The following ADCY7 variants were observed in gnomAD, a reference collection of about 807,000 sequenced individuals.
ADCY7 encodes adenylate cyclase type 7.
A neutral mutation model predicts 120.6 loss-of-function variants in ADCY7; 72 were observed. The observed-to-expected ratio is 0.60, with a 90% CI of 0.49 to 0.73. ADCY7 has a LOEUF of 0.73. Among genes scored for constraint, ADCY7 ranks in the 30% least tolerant of loss-of-function variants. The pLI, the probability that ADCY7 is intolerant of heterozygous loss-of-function variation, is 0.00. For missense variants in ADCY7, 1,227 were observed against 1,486.0 expected, an observed-to-expected ratio of 0.83 and a Z score of 2.87; for synonymous variants, 661 against 628.0, an observed-to-expected ratio of 1.05 and a Z score of -0.78.
chr16:50,300,140 G>A (rs998921990), intron 8 of ADCY7, among the ~76,000 whole-genome samples: 12 of 152,092 alleles, frequency 7.9e-5, no homozygotes, highest in Admixed American at 1.3e-4. Context: ...AGCGTATCTC[G>A]GTTCACCACA....
chr16:50,304,588 G>GTCAAAGCATTTCTAGGAACCAGA, intron 11 of ADCY7, 37 bp downstream of exon 11: 1 of 1,514,512 alleles, frequency 6.6e-7, no homozygotes, highest in South Asian at 1.3e-5. Flanking sequence ...CAGGGATTGG[G>GTCAAAGCATTTCTAGGAACCAGA]GCCCCAAGCC....
chr16:50,256,892 TATTC>T (rs1414718901), intron 1 of ADCY7, among the ~76,000 whole-genome samples: 1 of 152,138 alleles, frequency 6.6e-6, no homozygotes, highest in East Asian at 1.9e-4. Context: ...ATTGCAGCAT[TATTC>T]ATAATAGCCA....
At chr16:50,275,821 G>A (rs909201387) in intron 1 of ADCY7, among the ~76,000 whole-genome samples, 2 of 152,216 alleles carry the variant, frequency 1.3e-5, no homozygotes, top group African/African-American at 4.8e-5. Context: ...CTAGCAGGTG[G>A]GCTTTGGGCT....
chr16:50,313,778 C>T (rs1028637815), intron 22 of ADCY7, 180 bp from the exon 23 acceptor site: 14 of 585,992 alleles, frequency 2.4e-5, no homozygotes, highest in East Asian at 2.2e-4. Flanking sequence ...GAGCAGGAGC[C>T]GCCAAGGGCC....
At chr16:50,310,302 G>A (rs1040350306) in intron 18 of ADCY7, among the ~76,000 whole-genome samples, 15 of 152,230 alleles carry the variant, frequency 9.9e-5, no homozygotes, top group South Asian at 4.1e-4. Context: ...TGTGAAGAGC[G>A]TGGTCTTTAT....
At position 50,310,882 on chromosome 16, in the gene ADCY7, TG is replaced by T. The variant is rs1245062450; in HGVS notation, c.2354+6del. ...CACCAAGCCCAACGGCACCACCAGG[TG>T]GGGTCCCGCCCGTCCCCGTCCCCAT... On this transcript the variant is annotated splice_donor_region_variant and intron_variant, in intron 19 of 25. Coordinates refer to ENST00000673801, the MANE Select transcript of ADCY7 (RefSeq NM_001114.5). 1 of 1,594,276 alleles carries T rather than the reference TG, an allele frequency of 6.3e-7. No individual in the cohort carries two copies. The highest frequency in any genetic ancestry group is 8.5e-7 in the Non-Finnish European group (1 of 1,171,656).
At position 50,299,028 on chromosome 16, in the gene ADCY7, T is replaced by C; in HGVS notation, c.1073T>C (p.Ile358Thr). The C allele has an allele frequency of 6.2e-7, 1 of 1,610,012 alleles. No homozygotes were observed. Among genetic ancestry groups the C allele is most frequent in the Non-Finnish European group, 8.5e-7 (1 of 1,179,528 alleles). The change falls in exon 8 of 26, where the codon ATC (isoleucine) becomes ACC (threonine). Residue 358 changes from isoleucine (I) to threonine (T), a missense_variant. Ile to Thr is a moderately conservative substitution (Grantham distance 89). Transcript: ENST00000673801. Reference sequence around the variant, plus strand: ...ATGGGGCTGGACATGTGCCAGGCCATCAAGTAGGTCCTGGGCGGGCCCAGG... The same window carrying C: ...ATGGGGCTGGACATGTGCCAGGCCACCAAGTAGGTCCTGGGCGGGCCCAGG... ...VKMGLDMCQA[I>T]KQVREATGVD... is the part of the protein sequence containing the mutation.
Position 50,305,291 on chromosome 16 carries a change from C to T in ADCY7, c.1596-212C>T, listed in dbSNP as rs564499844. On this transcript the variant is annotated intron_variant, in intron 12 of 25. Transcript: ENST00000673801. Reference sequence around the variant, plus strand: ...TGCCTTAGACTGGGGCTCGGGTCTGCCCTCTGCCTCTGGCTTGGCTGCTGG... The same window carrying T: ...TGCCTTAGACTGGGGCTCGGGTCTGTCCTCTGCCTCTGGCTTGGCTGCTGG... Among the ~76,000 whole-genome samples, 5 of 152,312 alleles carry T rather than the reference C, an allele frequency of 3.3e-5. No homozygotes were observed. The South Asian group carries it at 1.0e-3, about 32-fold the overall frequency.
chr16:50,295,934 A>G (rs930158413), intron 7 of ADCY7, among the ~76,000 whole-genome samples: 1 of 152,236 alleles, frequency 6.6e-6, no homozygotes, highest in Non-Finnish European at 1.5e-5. Flanking sequence ...AGTGGTGGCC[A>G]TTAAATAGAG....
At chr16:50,305,035 C>T in intron 12 of ADCY7, 76 bp downstream of exon 12, 1 of 1,574,512 alleles carries the variant, frequency 6.4e-7, no homozygotes, top group Non-Finnish European at 8.7e-7. Flanking sequence ...CAGCCTCTGT[C>T]CAGTGGGCAG....
intron 1 of ADCY7, among the ~76,000 whole-genome samples, chr16:50,255,402 G>GAAAGAAA (rs2032886796): frequency 9.2e-6 from 1 of 108,142 alleles, no homozygotes; most frequent in Non-Finnish European, 1.7e-5. Flanking sequence ...TCTGTTTCTG[G>GAAAGAAA]AAAAAAAAAA....
intron 1 of ADCY7, among the ~76,000 whole-genome samples, chr16:50,250,630 C>CAAAT (rs56238672): frequency 1 from 151,629 of 152,120 alleles, 75,577 homozygotes; most frequent in Middle Eastern, 1. Flanking sequence ...AATTTTAAAA[C>CAAAT]AAATTTTAAA....
chr16:50,301,029 G>A (rs1596949713), intron 9 of ADCY7, 53 bp from the exon 10 acceptor site: 1 of 1,597,020 alleles, frequency 6.3e-7, no homozygotes, highest in Non-Finnish European at 8.5e-7. Flanking sequence ...TCCCTGGGTG[G>A]ATGCCAGCCC....
rs2036885042 is a variant in ADCY7 at position 50,317,910 on chromosome 16, A to G, written c.*2405A>G. 3 of 152,358 alleles carry G rather than the reference A, an allele frequency of 2.0e-5. No individual in the cohort carries two copies. Among genetic ancestry groups the G allele is most frequent in the Admixed American group, 2.0e-4 (3 of 15,294 alleles). 9.4% of individuals were successfully genotyped at this position (152,358 alleles called of 1,614,324 possible). ...GAAATTTCCTAACAAACAAACAAAC[A>G]AACAAACAGAAGAGAAGATCATTAA... On this transcript the variant is annotated 3_prime_UTR_variant, in exon 26 of 26. Coordinates refer to ENST00000673801, the MANE Select transcript of ADCY7 (RefSeq NM_001114.5).
chr16:50,313,904 C>T (rs1412242167), intron 22 of ADCY7, 54 bp from the exon 23 acceptor site: 19 of 1,496,094 alleles, frequency 1.3e-5, no homozygotes, highest in Non-Finnish European at 2.8e-6. Context: ...GCAGGGGCAG[C>T]CTGGCTGCGG....
At chr16:50,296,382 C>T (rs564369035) in intron 7 of ADCY7, among the ~76,000 whole-genome samples, 29 of 106,798 alleles carry the variant, frequency 2.7e-4, no homozygotes, top group African/African-American at 4.8e-4. Flanking sequence ...TTTTTTGAGA[C>T]GGAGTCTTGC....
intron 23 of ADCY7, 35 bp downstream of exon 23, chr16:50,314,097 G>A (rs2036641912): frequency 1.4e-5 from 23 of 1,595,004 alleles, no homozygotes; most frequent in Admixed American, 5.0e-5. Flanking sequence ...TCAGCTGACT[G>A]TCCTCACTTA....
chr16:50,272,262 C>A (rs2033622698), intron 1 of ADCY7, among the ~76,000 whole-genome samples: 1 of 152,006 alleles, frequency 6.6e-6, no homozygotes, highest in South Asian at 2.1e-4. Context: ...GGGCCCGGAT[C>A]CCTGGAGGCC....
chr16:50,312,661 A>T (rs1262167537), intron 21 of ADCY7, among the ~76,000 whole-genome samples: 1 of 152,194 alleles, frequency 6.6e-6, no homozygotes, highest in African/African-American at 2.4e-5. Context: ...GGAAACACCC[A>T]TGGTGCTTCT....
Sources: allele counts gnomAD v4.1 joint callset (sites outside exome capture counted in the v4.1 genomes callset), GRCh38; gene constraint gnomAD v4.1.1; transcripts MANE v1.5; gene names NCBI Gene and HGNC (gene_info 2026-07-23, HGNC 2026-07-21).